DIAPH1: variants seen among roughly 807,000 people sequenced by gnomAD.
DIAPH1 encodes protein diaphanous homolog 1.
A neutral mutation model predicts 140.7 loss-of-function variants in DIAPH1; 46 were observed. The observed-to-expected ratio is 0.33, with a 90% CI of 0.26 to 0.42. The LOEUF (loss-of-function observed/expected upper bound fraction) is 0.42. Among genes scored for constraint, DIAPH1 ranks in the 10% least tolerant of loss-of-function variants. The pLI, the probability that DIAPH1 is intolerant of heterozygous loss-of-function variation, is 1.00. For missense variants in DIAPH1, 1,310 were observed against 1,558.7 expected (o/e 0.84, Z 2.69); for synonymous variants, 565 against 551.6 (o/e 1.02, Z -0.34).
chr5:141,560,930 G>T (rs2099893433), intron 18 of DIAPH1: 1 of 454,300 alleles, frequency 2.2e-6, no homozygotes, highest in South Asian at 1.6e-5. Flanking sequence ...AAAGGGTGGG[G>T]AAAGATGAGG....
Position 141,574,071 on chromosome 5 carries a change from G to A in DIAPH1, c.1779C>T (p.Gly593=). The A allele has an allele frequency of 6.2e-7, 1 of 1,610,524 alleles. No homozygotes were observed. The highest frequency in any genetic ancestry group is 8.5e-7 in the Non-Finnish European group (1 of 1,178,352). ...GAGCAGGTGGTGGTGGAATAATAGTGCCAGAGTCACCAGGTAAAGGAGGGG... is the reference window on the plus strand; with the variant it reads ...GAGCAGGTGGTGGTGGAATAATAGTACCAGAGTCACCAGGTAAAGGAGGGG... ...PPAPPLPGDS[G]TIIPPPPAPG... The change falls in exon 16 of 28, where the codon GGC becomes GGT. Residue 593 remains glycine (G), a synonymous_variant. Coordinates refer to ENST00000389054, the MANE Select transcript of DIAPH1 (RefSeq NM_005219.5).
At chr5:141,608,223 G>A (rs2154597264) in intron 1 of DIAPH1, among the ~76,000 whole-genome samples, 1 of 152,334 alleles carries the variant, frequency 6.6e-6, no homozygotes, top group South Asian at 2.1e-4. Flanking sequence ...AGGACTGCTT[G>A]AGCCCAGGAG....
intron 1 of DIAPH1, among the ~76,000 whole-genome samples, chr5:141,594,669 G>C (rs757978693): frequency 7.9e-5 from 12 of 151,788 alleles, no homozygotes; most frequent in African/African-American, 2.9e-4. Context: ...CTTGAACCTG[G>C]GAGGCAGAGG....
Position 141,580,869 on chromosome 5 carries a change from G to T in DIAPH1, c.699C>A (p.Thr233=). 1 of 1,614,156 alleles carries T rather than the reference G, an allele frequency of 6.2e-7. No homozygotes were observed. The highest frequency in any genetic ancestry group is 2.2e-5 in the East Asian group (1 of 44,878). The change falls in exon 8 of 28, where the codon ACC becomes ACA. Residue 233 remains threonine (T), a synonymous_variant. Coordinates refer to ENST00000389054, the MANE Select transcript of DIAPH1 (RefSeq NM_005219.5). The part of the protein sequence containing the change: ...AFMNNKFGIK[T]MLETEEGILL... The stretch of plus-strand genomic sequence containing the variant: ...GGATTCCTTCTTCTGTCTCCAACAT[G>T]GTCTTGATTCCAAACTGGTAGGACC...
intron 1 of DIAPH1, among the ~76,000 whole-genome samples, chr5:141,606,930 C>T (rs1463458351): frequency 6.8e-6 from 1 of 147,192 alleles, no homozygotes; most frequent in African/African-American, 2.5e-5. Context: ...AAACAGAGAG[C>T]CTTGAAAATA....
chr5:141,604,868 G>GA (rs1049110135), intron 1 of DIAPH1, among the ~76,000 whole-genome samples: 1 of 151,910 alleles, frequency 6.6e-6, no homozygotes, highest in Non-Finnish European at 1.5e-5. Flanking sequence ...ATAAGATTTT[G>GA]AAAAAATCTT....
At chr5:141,554,252 G>A (rs1452473914) in intron 18 of DIAPH1, among the ~76,000 whole-genome samples, 2 of 152,026 alleles carry the variant, frequency 1.3e-5, no homozygotes, top group African/African-American at 4.8e-5. Context: ...ACTCCAGCCT[G>A]GGCAACAAGA....
chr5:141,600,662 G>A (rs2099900007), intron 1 of DIAPH1, among the ~76,000 whole-genome samples: 1 of 151,840 alleles, frequency 6.6e-6, no homozygotes, highest in Admixed American at 6.6e-5. Context: ...TACCTCTTAC[G>A]ACCACTGAGG....
intron 27 of DIAPH1, 104 bp from the exon 28 acceptor site, chr5:141,517,112 T>C: frequency 7.3e-7 from 1 of 1,375,098 alleles, no homozygotes; most frequent in Middle Eastern, 2.2e-4. Flanking sequence ...CATGACTACC[T>C]TGGCCACTTC....
intron 27 of DIAPH1, chr5:141,519,074 G>T: frequency 1.5e-6 from 2 of 1,313,240 alleles, no homozygotes; most frequent in Non-Finnish European, 2.1e-6. Context: ...ATAGGTATGT[G>T]CCCGAGACTG....
chr5:141,544,017 A>T (rs1238072429), intron 18 of DIAPH1, among the ~76,000 whole-genome samples: 1 of 152,246 alleles, frequency 6.6e-6, no homozygotes, highest in Non-Finnish European at 1.5e-5. Context: ...GACACAAAAA[A>T]AAGTATAAAT....
At chr5:141,523,388 A>C (rs1350203547) in intron 27 of DIAPH1, among the ~76,000 whole-genome samples, 4 of 152,192 alleles carry the variant, frequency 2.6e-5, no homozygotes, top group Non-Finnish European at 4.4e-5. Context: ...CTTCCTTTGA[A>C]TTAGTCTCTT....
At chr5:141,548,984 T>C (rs1472199437) in intron 18 of DIAPH1, among the ~76,000 whole-genome samples, 1 of 151,726 alleles carries the variant, frequency 6.6e-6, no homozygotes, top group Non-Finnish European at 1.5e-5. Context: ...AATAATACAG[T>C]TCTAAATTAA....
rs1554200989 is a variant in DIAPH1, at chr5:141,526,704, G to GTGTTTTT, written c.3274-244_3274-243insAAAAACA. ...AACTGTTGTTTGTTTGTTTGTTTGTGTTTGTTTGTTTGAGACAGGGTTTTG... is the reference window on the plus strand; with the variant it reads ...AACTGTTGTTTGTTTGTTTGTTTGTGTGTTTTTTTTGTTTGTTTGAGACAGGGTTTTG... On this transcript the variant is annotated intron_variant, in intron 24 of 27. Transcript: ENST00000389054. 7.3e-3 allele frequency among the ~76,000 whole-genome samples: 1,113 copies of GTGTTTTT among 152,096 alleles called. 11 individuals carry two copies. Among genetic ancestry groups the GTGTTTTT allele is most frequent in the African/African-American group, 0.026 (1,063 of 41,504 alleles).
intron 7 of DIAPH1, chr5:141,581,909 A>T (rs1332545205): frequency 6.0e-6 from 1 of 167,224 alleles, no homozygotes; most frequent in African/African-American, 2.4e-5. Flanking sequence ...AAATTAAAAA[A>T]AATACCCGGG....
chr5:141,561,870 G>A (rs2099893597), intron 18 of DIAPH1: 1 of 152,142 alleles, frequency 6.6e-6, no homozygotes, highest in Non-Finnish European at 1.5e-5. Context: ...TTCATCTCCA[G>A]AACAAAAACT....
intron 18 of DIAPH1, chr5:141,563,724 A>G (rs1035522124): frequency 1.3e-5 from 2 of 152,242 alleles, no homozygotes; most frequent in African/African-American, 4.8e-5. Flanking sequence ...TCTAGAAAAG[A>G]GTAATACAGG....
At chr5:141,551,012 C>T (rs1053435286) in intron 18 of DIAPH1, among the ~76,000 whole-genome samples, 2 of 152,222 alleles carry the variant, frequency 1.3e-5, no homozygotes, top group African/African-American at 2.4e-5. Flanking sequence ...GAATGCAGTA[C>T]ATGATCCAGG....
rs532526100 is a variant in DIAPH1, at chr5:141,595,895, T to G, written c.118-7645A>C. Among the ~76,000 whole-genome samples, 15 of 152,272 alleles carry G rather than the reference T, an allele frequency of 9.9e-5. No homozygotes were observed. The South Asian group carries it at 3.1e-3, about 32-fold the overall frequency. ...CTTCAAAAAAAAGGCTTAAAAAAAT[T>G]TTTAGGGACTGGCTGTGGTGGCTCA... On this transcript the variant is annotated intron_variant, in intron 1 of 27. Coordinates refer to ENST00000389054, the MANE Select transcript of DIAPH1 (RefSeq NM_005219.5).
Sources: gnomAD v4.1 joint callset for allele counts (sites outside exome capture counted in the v4.1 genomes callset) on GRCh38, gnomAD v4.1.1 for gene constraint, MANE v1.5 for transcripts, NCBI Gene and HGNC (gene_info 2026-07-23, HGNC 2026-07-21) for gene names.